The following CDK8 variants were observed in gnomAD, a reference collection of about 807,000 sequenced individuals.
The protein encoded by CDK8 is cyclin-dependent kinase 8.
Under a neutral mutation model 71.5 loss-of-function variants are expected in CDK8, and 29 were observed. The observed-to-expected ratio is 0.41, with a 90% CI of 0.30 to 0.55. The LOEUF is 0.55. CDK8 is among the 20% of genes least tolerant of loss of function. The probability of loss-of-function intolerance (pLI) is 0.37; values close to 1 mark genes in which losing one functional copy is unlikely to be tolerated. For missense variants in CDK8, 288 were observed against 572.6 expected, an observed-to-expected ratio of 0.50 and a Z score of 5.07; for synonymous variants, 161 against 192.1, an observed-to-expected ratio of 0.84 and a Z score of 1.34.
chr13:26,325,457 A>C (rs1013129224), intron 1 of CDK8, among the ~76,000 whole-genome samples: 2 of 152,192 alleles, frequency 1.3e-5, no homozygotes, highest in African/African-American at 4.8e-5. Context: ...ATAAATGATA[A>C]ATGCCACCAG....
chr13:26,257,596 C>T (rs1420102758), intron 1 of CDK8, among the ~76,000 whole-genome samples: 3 of 152,046 alleles, frequency 2.0e-5, no homozygotes, highest in Admixed American at 1.3e-4. Context: ...CAGTGGGAAG[C>T]AGGGGGGTTC....
chr13:26,341,989 C>T (rs186300686), intron 2 of CDK8, among the ~76,000 whole-genome samples: 7 of 152,174 alleles, frequency 4.6e-5, no homozygotes, highest in South Asian at 2.1e-4. Flanking sequence ...GGCGCAATCT[C>T]GGCTCACTGC....
Position 26,368,378 on chromosome 13 carries a change from A to G in CDK8, c.457-14436A>G, listed in dbSNP as rs961990514. 4.6e-5 allele frequency among the ~76,000 whole-genome samples: 7 copies of G among 152,168 alleles called. No homozygotes were observed. The South Asian group carries it at 6.2e-4, about 14-fold the overall frequency. ...TCATTCCCCTATTTAAAATTCCTCA[A>G]TATCTTCCCACCTGGGAGACTGATA... On this transcript the variant is annotated intron_variant, in intron 4 of 12. Transcript: ENST00000381527.
At chr13:26,342,853 G>T (rs1217439552) in intron 2 of CDK8, among the ~76,000 whole-genome samples, 4 of 152,208 alleles carry the variant, frequency 2.6e-5, no homozygotes, top group Non-Finnish European at 5.9e-5. Context: ...AACAGCAGAA[G>T]TTTGTTTTCT....
chr13:26,401,493 A>G lies in CDK8; in HGVS notation c.1138A>G (p.Asn380Asp). ...KKNQQQQQGN[N>D]HTNGTGHPGN... ...GAACCAGCAGCAGCAGCAGGGCAAT[A>G]ACCACACTAATGGAACTGGCCACCC... Residue 380 changes from asparagine (N) to aspartate (D), a missense_variant, in exon 12 of 13, where the codon AAC (asparagine) becomes GAC (aspartate). Asn to Asp is a conservative substitution (Grantham distance 23). Around this residue, in one of 6 missense-constraint regions of CDK8, gnomAD observed 96 missense variants for 229.8 expected, o/e 0.42. Coordinates refer to ENST00000381527, the MANE Select transcript of CDK8 (RefSeq NM_001260.3). The surrounding 1 kb of genome is among the most constrained non-coding windows in gnomAD (Gnocchi z 4.5). The G allele has an allele frequency of 6.2e-7, 1 of 1,614,164 alleles. No individual in the cohort carries two copies. The highest frequency in any genetic ancestry group is 8.5e-7 in the Non-Finnish European group (1 of 1,180,022).
intron 12 of CDK8, among the ~76,000 whole-genome samples, chr13:26,402,711 G>A (rs1291507385): frequency 6.6e-6 from 1 of 152,178 alleles, no homozygotes; most frequent in Non-Finnish European, 1.5e-5. Context: ...CTTTCCGGAT[G>A]GGAAGAGTGC....
At chr13:26,276,507 C>G (rs912113275) in intron 1 of CDK8, among the ~76,000 whole-genome samples, 4 of 152,126 alleles carry the variant, frequency 2.6e-5, no homozygotes, top group Non-Finnish European at 5.9e-5. Context: ...GCAATGGATG[C>G]AAAACAAGTT....
At chr13:26,260,526 T>C (rs1414143103) in intron 1 of CDK8, among the ~76,000 whole-genome samples, 2 of 152,108 alleles carry the variant, frequency 1.3e-5, no homozygotes, top group South Asian at 2.1e-4. Context: ...GAATTTCATA[T>C]GCTGCTGAGG....
In CDK8 at chr13:26,392,431, A is replaced by T. The variant is rs1407275226; in HGVS notation, c.647-936A>T. Among the ~76,000 whole-genome samples the T allele has an allele frequency of 6.0e-5, 9 of 149,866 alleles. No individual in the cohort carries two copies. The South Asian group carries it at 6.3e-4, about 11-fold the overall frequency. On this transcript the variant is annotated intron_variant, in intron 6 of 12. Coordinates refer to ENST00000381527, the MANE Select transcript of CDK8 (RefSeq NM_001260.3). ...CAGCCTCTGCCTCCCGGGTTCAAGCAATTCTCCTGCCTCAGCCTCCTGAGT... is the reference window on the plus strand; with the variant it reads ...CAGCCTCTGCCTCCCGGGTTCAAGCTATTCTCCTGCCTCAGCCTCCTGAGT...
At chr13:26,291,733 G>T (rs1873315253) in intron 1 of CDK8, among the ~76,000 whole-genome samples, 1 of 152,046 alleles carries the variant, frequency 6.6e-6, no homozygotes, top group Non-Finnish European at 1.5e-5. Context: ...GAATGATTTG[G>T]TTCTGTTACA....
At chr13:26,295,302 G>T (rs1388568842) in intron 1 of CDK8, among the ~76,000 whole-genome samples, 2 of 151,254 alleles carry the variant, frequency 1.3e-5, no homozygotes, top group Non-Finnish European at 3.0e-5. Flanking sequence ...TTTCTCTTGG[G>T]CTTCCCTGTT....
intron 1 of CDK8, among the ~76,000 whole-genome samples, chr13:26,319,163 A>G (rs1211352024): frequency 6.6e-6 from 1 of 152,200 alleles, no homozygotes; most frequent in Non-Finnish European, 1.5e-5. Context: ...TCTATTTATA[A>G]TAGCATCAAA....
intron 4 of CDK8, among the ~76,000 whole-genome samples, chr13:26,363,196 C>T (rs530576296): frequency 2.5e-4 from 38 of 150,162 alleles, no homozygotes; most frequent in Non-Finnish European, 4.9e-4. Context: ...GGTGCGGTGA[C>T]AGGAGCCTGT....
At chr13:26,344,043 C>T (rs747545224) in intron 2 of CDK8, among the ~76,000 whole-genome samples, 1 of 152,058 alleles carries the variant, frequency 6.6e-6, no homozygotes, top group Non-Finnish European at 1.5e-5. Flanking sequence ...CTTCCCCCAA[C>T]CTCACCCTCC....
At position 26,315,742 on chromosome 13, in the gene CDK8, A is replaced by G. The variant is rs954176546; in HGVS notation, c.129-21825A>G. Among the ~76,000 whole-genome samples, 16 of 152,306 alleles carry G rather than the reference A, an allele frequency of 1.1e-4. No individual in the cohort carries two copies. The Middle Eastern group carries it at 0.014, about 130-fold the overall frequency. On this transcript the variant is annotated intron_variant, in intron 1 of 12. Coordinates refer to ENST00000381527, the MANE Select transcript of CDK8 (RefSeq NM_001260.3). ...GAATTCTTTAAGTCTCTGTTTTCTC[A>G]TATAAAATGGGAGTAACAATACATT...
At chr13:26,336,708 C>T (rs1873006194) in intron 1 of CDK8, among the ~76,000 whole-genome samples, 4 of 152,198 alleles carry the variant, frequency 2.6e-5, no homozygotes, top group Admixed American at 2.0e-4. Context: ...CGCCCGCCAC[C>T]ACACCCGGCT....
At chr13:26,324,087 G>T (rs1307558761) in intron 1 of CDK8, among the ~76,000 whole-genome samples, 1 of 152,144 alleles carries the variant, frequency 6.6e-6, no homozygotes, top group Non-Finnish European at 1.5e-5. Context: ...AAATATTAGT[G>T]TTTAAAGGAT....
At chr13:26,327,361 T>C (rs1875065791) in intron 1 of CDK8, among the ~76,000 whole-genome samples, 1 of 152,190 alleles carries the variant, frequency 6.6e-6, no homozygotes, top group Non-Finnish European at 1.5e-5. Context: ...TAAATCTTTA[T>C]GTTACCTCCT....
intron 1 of CDK8, among the ~76,000 whole-genome samples, chr13:26,333,240 A>T (rs1043487973): frequency 2.0e-5 from 3 of 151,856 alleles, no homozygotes; most frequent in Non-Finnish European, 4.4e-5. Flanking sequence ...CCTGGGTTCA[A>T]GCAATTCTTC....
Sources: allele counts gnomAD v4.1 joint callset (sites outside exome capture counted in the v4.1 genomes callset), GRCh38; gene constraint gnomAD v4.1.1; regional missense constraint gnomAD v4.1.1; non-coding constraint Gnocchi (gnomAD v3.1); transcripts MANE v1.5; gene names NCBI Gene and HGNC (gene_info 2026-07-23, HGNC 2026-07-21).